PIBF1: variants seen among roughly 807,000 people sequenced by gnomAD.
PIBF1 encodes progesterone immunomodulatory binding factor 1.
A neutral mutation model predicts 112.5 loss-of-function variants in PIBF1; 90 were observed. That is an observed-to-expected ratio of 0.80 (90% CI 0.67 to 0.95). PIBF1 has a LOEUF of 0.95. Among genes scored for constraint, PIBF1 ranks in the 40% least tolerant of loss-of-function variants. The pLI, the probability that PIBF1 is intolerant of heterozygous loss-of-function variation, is 0.00. For synonymous variants in PIBF1, 301 were observed against 288.6 expected (o/e 1.04, Z -0.44); for missense variants, 915 against 852.3 (o/e 1.07, Z -0.92).
chr13:72,961,259 T>A (rs1190587016), intron 14 of PIBF1, among the ~76,000 whole-genome samples: 1 of 152,128 alleles, frequency 6.6e-6, no homozygotes, highest in Non-Finnish European at 1.5e-5. Context: ...TTCTCATTAC[T>A]ATCCTTGATT....
intron 13 of PIBF1, among the ~76,000 whole-genome samples, chr13:72,930,225 A>G (rs2041658191): frequency 6.6e-6 from 1 of 152,188 alleles, no homozygotes; most frequent in Admixed American, 6.5e-5. Flanking sequence ...TTAAAATACA[A>G]TAGAATTTTT....
At chr13:72,860,364 GAC>G (rs2038640906) in intron 10 of PIBF1, among the ~76,000 whole-genome samples, 2 of 151,064 alleles carry the variant, frequency 1.3e-5, no homozygotes, top group African/African-American at 2.4e-5. Context: ...ACAGTAGAGA[GAC>G]AGAGAATCTA....
At chr13:72,896,917 C>T (rs2040303173) in intron 11 of PIBF1, among the ~76,000 whole-genome samples, 1 of 152,100 alleles carries the variant, frequency 6.6e-6, no homozygotes, top group African/African-American at 2.4e-5. Context: ...TTGCTAGAGA[C>T]CTAGACATCC....
intron 10 of PIBF1, among the ~76,000 whole-genome samples, chr13:72,892,785 T>TAC (rs113653296): frequency 0.12 from 16,532 of 140,706 alleles, 2,223 homozygotes; most frequent in African/African-American, 0.33. Context: ...CCTCCTGCCT[T>TAC]ACACACACAC....
intron 10 of PIBF1, among the ~76,000 whole-genome samples, chr13:72,857,199 A>C (rs1361303409): frequency 1.3e-5 from 2 of 152,198 alleles, no homozygotes; most frequent in African/African-American, 4.8e-5. Context: ...AGCTAAGGGG[A>C]AAAGAAAATT....
chr13:72,809,084 T>C (rs2035876349), intron 5 of PIBF1, among the ~76,000 whole-genome samples: 1 of 150,534 alleles, frequency 6.6e-6, no homozygotes. Context: ...ATCTTTCTTA[T>C]CCAAAATGGT....
intron 13 of PIBF1, among the ~76,000 whole-genome samples, chr13:72,926,741 C>T (rs1294581282): frequency 6.6e-6 from 1 of 152,212 alleles, no homozygotes; most frequent in Non-Finnish European, 1.5e-5. Context: ...ATAGGCATTT[C>T]CCTCTACCTA....
chr13:72,958,395 C>A (rs1386962720), intron 14 of PIBF1, among the ~76,000 whole-genome samples: 2 of 150,742 alleles, frequency 1.3e-5, no homozygotes, highest in Non-Finnish European at 2.9e-5. Context: ...TCAATGACTT[C>A]AGTCATCACT....
At chr13:72,865,215 T>G (rs566276808) in intron 10 of PIBF1, among the ~76,000 whole-genome samples, 1 of 152,290 alleles carries the variant, frequency 6.6e-6, no homozygotes, top group East Asian at 1.9e-4. Context: ...TTTATTAAAC[T>G]TTTACTATGC....
chr13:72,815,832 A>T (rs112046150), intron 5 of PIBF1, among the ~76,000 whole-genome samples: 73 of 152,226 alleles, frequency 4.8e-4, no homozygotes, highest in African/African-American at 1.7e-3. Context: ...CACTGTTAAT[A>T]CTGTTAAGGC....
chr13:72,785,070 A>G (rs1360386402), intron 2 of PIBF1, among the ~76,000 whole-genome samples: 1 of 152,048 alleles, frequency 6.6e-6, no homozygotes, highest in Non-Finnish European at 1.5e-5. Context: ...AAGGGCACCA[A>G]TCCCAACAGT....
intron 10 of PIBF1, among the ~76,000 whole-genome samples, chr13:72,881,723 A>G (rs2039645211): frequency 7.3e-5 from 11 of 150,648 alleles, no homozygotes; most frequent in Admixed American, 7.2e-4. Context: ...CTTGAAAAAA[A>G]AAAAAAAAAG....
intron 5 of PIBF1, among the ~76,000 whole-genome samples, chr13:72,802,174 G>C (rs1000152357): frequency 6.6e-6 from 1 of 151,698 alleles, no homozygotes; most frequent in Non-Finnish European, 1.5e-5. Context: ...TTTTTTGACT[G>C]TATGGGAGTT....
chr13:72,928,030 T>TACATATATATATATACATATATATAC (rs1566458738), intron 13 of PIBF1, among the ~76,000 whole-genome samples: 66 of 108,886 alleles, frequency 6.1e-4, no homozygotes, highest in African/African-American at 1.7e-3. Context: ...TATATACATA[T>TACATATATATATATACATATATATAC]ATATATATAT....
intron 5 of PIBF1, among the ~76,000 whole-genome samples, chr13:72,814,435 CA>C (rs547722918): frequency 3.4e-3 from 245 of 73,134 alleles, no homozygotes; most frequent in Middle Eastern, 0.017. Flanking sequence ...GACTTCGTCT[CA>C]AAAAAAAAAA....
rs754837276 is a variant in PIBF1, at chr13:72,893,857, G to A, written c.1396G>A (p.Glu466Lys). ...FLHQSKLKSF[E>K]SERVQLLQEE... ...CCATCAAAGTAAATTAAAATCTTTT[G>A]AAAGTGAGCGTGTTCAACTTCTGCA... The change falls in exon 11 of 18, where the codon GAA becomes AAA. Residue 466 changes from glutamate (E) to lysine (K), a missense_variant. Transcript: ENST00000326291. The A allele has an allele frequency of 6.9e-5, 110 of 1,605,780 alleles. No homozygotes were observed. The highest frequency in any genetic ancestry group is 8.9e-5 in the Non-Finnish European group (105 of 1,175,534).
chr13:72,882,135 C>T (rs1015823964), intron 10 of PIBF1, among the ~76,000 whole-genome samples: 71 of 152,140 alleles, frequency 4.7e-4, no homozygotes, highest in Admixed American at 1.7e-3. Flanking sequence ...AGAAACAAAT[C>T]CATACATCTC....
At chr13:72,956,700 G>A (rs941314105) in intron 14 of PIBF1, among the ~76,000 whole-genome samples, 2 of 152,190 alleles carry the variant, frequency 1.3e-5, no homozygotes, top group Admixed American at 1.3e-4. Context: ...GCCCTTAAAT[G>A]TAGGTGTCCC....
chr13:73,000,551 C>T (rs1389808473), intron 17 of PIBF1, among the ~76,000 whole-genome samples: 1 of 152,154 alleles, frequency 6.6e-6, no homozygotes, highest in East Asian at 1.9e-4. Flanking sequence ...GAGATTGTGG[C>T]AGACACTATG....
Sources: gnomAD v4.1 joint callset for allele counts (sites outside exome capture counted in the v4.1 genomes callset) on GRCh38, gnomAD v4.1.1 for gene constraint, MANE v1.5 for transcripts, NCBI Gene and HGNC (gene_info 2026-07-23, HGNC 2026-07-21) for gene names.